Variants in PKIA observed in about 807,000 individuals in gnomAD.
The protein encoded by PKIA is PKI-alpha.
PKIA carries 4 observed loss-of-function variants against 7.6 expected under a neutral mutation model. That is an observed-to-expected ratio of 0.52 (90% CI 0.26 to 1.20). The LOEUF (loss-of-function observed/expected upper bound fraction) is 1.20. PKIA is among the 50% of genes most tolerant of loss of function. PKIA has a pLI of 0.13. For missense variants in PKIA, 73 were observed against 86.2 expected (o/e 0.85, Z 0.61); for synonymous variants, 21 against 30.7 (o/e 0.68, Z 1.04).
At chr8:78,572,541 GCACACACA>G (rs1554582465) in intron 1 of PKIA, among the ~76,000 whole-genome samples, 1 of 98,376 alleles carries the variant, frequency 1.0e-5, no homozygotes. Context: ...AAAGCTGCAC[GCACACACA>G]CACACACACA....
intron 3 of PKIA, among the ~76,000 whole-genome samples, chr8:78,600,606 C>G (rs1255443143): frequency 1.3e-5 from 2 of 152,100 alleles, no homozygotes; most frequent in Non-Finnish European, 2.9e-5. Flanking sequence ...TTGTTGCATG[C>G]TTAATTTACA....
chr8:78,588,855 T>C (rs7818171), intron 2 of PKIA, among the ~76,000 whole-genome samples: 20,407 of 151,446 alleles, frequency 0.13, 1,618 homozygotes, highest in African/African-American at 0.21. Context: ...CAGGGTTGAT[T>C]GTTCCATTGC....
intron 2 of PKIA, among the ~76,000 whole-genome samples, chr8:78,595,717 G>A (rs1808213271): frequency 6.6e-6 from 1 of 152,112 alleles, no homozygotes; most frequent in African/African-American, 2.4e-5. Flanking sequence ...AATTTACTTA[G>A]GATAATGGCC....
chr8:78,598,407 A>C lies in PKIA; in HGVS notation c.23A>C (p.Tyr8Ser). ...GCAATGACTGATGTGGAAACTACAT[A>C]TGCAGATTTTATTGCTTCAGGAAGA... The part of the protein sequence containing the change: MTDVETT[Y>S]ADFIASGRTG... Residue 8 changes from tyrosine (Y) to serine (S), a missense_variant, in exon 3 of 4, where the codon TAT becomes TCT. By Grantham distance (144) the Tyr-to-Ser change is moderately radical. Coordinates refer to ENST00000396418, the MANE Select transcript of PKIA (RefSeq NM_006823.4). 6.2e-7 allele frequency: 1 copy of C among 1,612,076 alleles called. No individual in the cohort carries two copies. The highest frequency in any genetic ancestry group is 8.5e-7 in the Non-Finnish European group (1 of 1,178,592).
intron 1 of PKIA, among the ~76,000 whole-genome samples, chr8:78,526,279 G>A: frequency 6.6e-6 from 1 of 152,034 alleles, no homozygotes; most frequent in Non-Finnish European, 1.5e-5. Context: ...CTGATCAGCA[G>A]TGGCTGTGGG....
At chr8:78,575,133 A>C (rs537137528) in intron 2 of PKIA, among the ~76,000 whole-genome samples, 1 of 152,132 alleles carries the variant, frequency 6.6e-6, no homozygotes, top group East Asian at 1.9e-4. Flanking sequence ...TATCTGATAC[A>C]TGCAAAGTAA....
At chr8:78,527,899 A>T (rs910430511) in intron 1 of PKIA, among the ~76,000 whole-genome samples, 3 of 152,058 alleles carry the variant, frequency 2.0e-5, no homozygotes, top group Non-Finnish European at 4.4e-5. Context: ...GTTTCATGCC[A>T]TAATTTTTTA....
At chr8:78,567,088 A>G (rs1807432670) in intron 1 of PKIA, among the ~76,000 whole-genome samples, 1 of 152,190 alleles carries the variant, frequency 6.6e-6, no homozygotes, top group Admixed American at 6.6e-5. Flanking sequence ...AATAGACTTT[A>G]TATTTTAAAA....
chr8:78,572,629 C>A (rs1807579956), intron 1 of PKIA, among the ~76,000 whole-genome samples, 182 bp from the exon 2 acceptor site: 1 of 151,740 alleles, frequency 6.6e-6, no homozygotes, highest in African/African-American at 2.4e-5. Context: ...CTTGAAATCC[C>A]AAAATTCAAC....
intron 1 of PKIA, among the ~76,000 whole-genome samples, chr8:78,520,812 T>C (rs770977958): frequency 6.6e-6 from 1 of 152,150 alleles, no homozygotes; most frequent in Non-Finnish European, 1.5e-5. Flanking sequence ...TCACTAAAGC[T>C]CTCTTTACAG....
At chr8:78,535,137 G>C (rs868271953) in intron 1 of PKIA, 1 of 152,172 alleles carries the variant, frequency 6.6e-6, no homozygotes, top group Non-Finnish European at 1.5e-5. Context: ...TAGAATTGCT[G>C]TAGGTCATCC....
chr8:78,591,803 A>G (rs921423962), intron 2 of PKIA, among the ~76,000 whole-genome samples: 2 of 152,166 alleles, frequency 1.3e-5, no homozygotes, highest in Non-Finnish European at 1.5e-5. Flanking sequence ...TTATAGCAAC[A>G]TAGACAGGAA....
intron 1 of PKIA, among the ~76,000 whole-genome samples, chr8:78,527,418 C>A (rs1194616121): frequency 6.6e-6 from 1 of 151,676 alleles, no homozygotes; most frequent in Non-Finnish European, 1.5e-5. Flanking sequence ...ATATTTTCTT[C>A]CTATTTCAAA....
intron 2 of PKIA, among the ~76,000 whole-genome samples, 164 bp from the exon 3 acceptor site, chr8:78,598,194 G>A (rs901349055): frequency 2.0e-5 from 3 of 150,200 alleles, no homozygotes; most frequent in Admixed American, 6.7e-5. Context: ...TACATTAAAG[G>A]TTCCCAGACC....
intron 1 of PKIA, among the ~76,000 whole-genome samples, chr8:78,544,491 CCT>C (rs1401585673): frequency 6.6e-6 from 1 of 152,114 alleles, no homozygotes; most frequent in Non-Finnish European, 1.5e-5. Context: ...TTTGAAATTC[CCT>C]GTTTGTTGTC....
intron 1 of PKIA, among the ~76,000 whole-genome samples, chr8:78,525,500 T>C (rs574325530): frequency 6.6e-6 from 1 of 152,150 alleles, no homozygotes; most frequent in Admixed American, 6.6e-5. Flanking sequence ...AATAAGAGGA[T>C]GAATGTTGGC....
At chr8:78,576,773 T>C (rs1807682928) in intron 2 of PKIA, among the ~76,000 whole-genome samples, 1 of 151,922 alleles carries the variant, frequency 6.6e-6, no homozygotes, top group Admixed American at 6.6e-5. Flanking sequence ...GTAACAGTTA[T>C]TCTGGCATTA....
At chr8:78,541,051 CTATT>C (rs1252808325) in intron 1 of PKIA, among the ~76,000 whole-genome samples, 2 of 151,974 alleles carry the variant, frequency 1.3e-5, no homozygotes, top group African/African-American at 2.4e-5. Flanking sequence ...CTTCTTGAAA[CTATT>C]TATTCTAATT....
chr8:78,597,127 T>C (rs1417968110), intron 2 of PKIA, among the ~76,000 whole-genome samples: 2 of 152,286 alleles, frequency 1.3e-5, no homozygotes, highest in African/African-American at 2.4e-5. Context: ...TGCTTCTGGC[T>C]TTTTTCTTTT....
Sources: allele counts gnomAD v4.1 joint callset (sites outside exome capture counted in the v4.1 genomes callset), GRCh38; gene constraint gnomAD v4.1.1; transcripts MANE v1.5; gene names NCBI Gene and HGNC (gene_info 2026-07-23, HGNC 2026-07-21).